The following RIMS2 variants were observed in gnomAD, a reference collection of about 807,000 sequenced individuals.
The protein encoded by RIMS2 is regulating synaptic membrane exocytosis protein 2.
Under a neutral mutation model 174.4 loss-of-function variants are expected in RIMS2, and 59 were observed. That is an observed-to-expected ratio of 0.34 (90% confidence interval 0.27 to 0.42). RIMS2 has a LOEUF of 0.42. Among genes scored for constraint, RIMS2 ranks in the 10% least tolerant of loss-of-function variants. The pLI is 1.00. For missense variants in RIMS2, 1,620 were observed against 1,666.3 expected (o/e 0.97, Z 0.48); for synonymous variants, 606 against 572.5 (o/e 1.06, Z -0.84).
At chr8:103,701,919 G>A (rs2097172374) in intron 2 of RIMS2, among the ~76,000 whole-genome samples, 1 of 152,020 alleles carries the variant, frequency 6.6e-6, no homozygotes, top group South Asian at 2.1e-4. Context: ...TCTTCAGTAT[G>A]TTTATTTCCT....
rs531769980 is a variant in RIMS2 at position 104,152,182 on chromosome 8, G to T, written c.3335-92734G>T. Among the ~76,000 whole-genome samples, 6 of 152,258 alleles carry T rather than the reference G, an allele frequency of 3.9e-5. No homozygotes were observed. The South Asian group carries it at 1.2e-3, about 32-fold the overall frequency. ...AACATTGTGATGTTGGCAGATTTAA[G>T]AAATGTAGTCTTGTTTCTTGTTATA... On this transcript the variant is annotated intron_variant, in intron 19 of 23. Coordinates refer to ENST00000504942, the Ensembl canonical transcript of RIMS2.
chr8:103,953,669 G>GTAA (rs2086172107), intron 14 of RIMS2, among the ~76,000 whole-genome samples: 1 of 152,058 alleles, frequency 6.6e-6, no homozygotes, highest in Non-Finnish European at 1.5e-5. Flanking sequence ...AAAGACCATC[G>GTAA]ACATTATGAA....
rs1454906929 is a variant in RIMS2, at chr8:104,211,165, G to GT, written c.3335-33745dup. Reference sequence around the variant, plus strand: ...GTGTGCAGCAGGGAATAAAACAGAGGTTTTTTCTAATAAAGGTTAGAGTCG... The same window carrying GT: ...GTGTGCAGCAGGGAATAAAACAGAGGTTTTTTTCTAATAAAGGTTAGAGTCG... On this transcript the variant is annotated intron_variant, in intron 19 of 23. Coordinates refer to ENST00000504942, the Ensembl canonical transcript of RIMS2. Among the ~76,000 whole-genome samples, 15 of 152,082 alleles carry GT rather than the reference G, an allele frequency of 9.9e-5. 1 individual carries two copies. The highest frequency in any genetic ancestry group is 1.3e-4 in the Non-Finnish European group (9 of 67,996).
At chr8:103,902,995 G>A (rs753248791) in intron 4 of RIMS2, among the ~76,000 whole-genome samples, 4 of 151,962 alleles carry the variant, frequency 2.6e-5, no homozygotes, top group Non-Finnish European at 5.9e-5. Context: ...TGAAAAGGAG[G>A]ACAGAATACC....
chr8:103,551,812 C>A (rs1306051952), intron 1 of RIMS2, among the ~76,000 whole-genome samples: 1 of 152,076 alleles, frequency 6.6e-6, no homozygotes, highest in South Asian at 2.1e-4. Flanking sequence ...CAATAACAGA[C>A]AAACAGAGAG....
At chr8:103,536,256 T>G (rs6996896) in intron 1 of RIMS2, among the ~76,000 whole-genome samples, 27,821 of 152,102 alleles carry the variant, frequency 0.18, 2,788 homozygotes, top group African/African-American at 0.26. Flanking sequence ...CACTTTTGTG[T>G]GTATGGGACC....
At chr8:103,802,574 G>C (rs2154456354) in intron 3 of RIMS2, among the ~76,000 whole-genome samples, 1 of 151,172 alleles carries the variant, frequency 6.6e-6, no homozygotes, top group Admixed American at 6.6e-5. Flanking sequence ...GAATGTAGAA[G>C]TGTTTATTTA....
At chr8:104,115,139 A>C (rs571996560) in intron 19 of RIMS2, among the ~76,000 whole-genome samples, 1 of 152,264 alleles carries the variant, frequency 6.6e-6, no homozygotes, top group South Asian at 2.1e-4. Flanking sequence ...AATAATGTTG[A>C]TTAAATTCTT....
chr8:103,679,541 A>G (rs924654577), intron 1 of RIMS2, among the ~76,000 whole-genome samples: 3 of 152,018 alleles, frequency 2.0e-5, no homozygotes, highest in Non-Finnish European at 4.4e-5. Flanking sequence ...GTAAACAACA[A>G]CAACAAAACT....
Position 104,131,934 on chromosome 8 carries a change from CTAAT to C in RIMS2, c.3335-112980_3335-112977del, listed in dbSNP as rs1566596280. ...TTTGAAAAGAAGTAAATAATGGGAA[CTAAT>C]TGCCATTTTATGTTATTATTGTGAT... On this transcript the variant is annotated intron_variant, in intron 19 of 23. Coordinates refer to ENST00000504942, the Ensembl canonical transcript of RIMS2. Among the ~76,000 whole-genome samples the C allele has an allele frequency of 2.8e-4, 42 of 152,090 alleles. 1 individual carries two copies. The highest frequency in any genetic ancestry group is 9.4e-4 in the African/African-American group (39 of 41,526).
chr8:103,914,485 C>A (rs1434072249), intron 6 of RIMS2, among the ~76,000 whole-genome samples: 1 of 151,966 alleles, frequency 6.6e-6, no homozygotes, highest in Non-Finnish European at 1.5e-5. Flanking sequence ...ATCATTATAG[C>A]CAGTATAATT....
chr8:103,835,080 GTTTTCTTT>G (rs1262510790), intron 3 of RIMS2, among the ~76,000 whole-genome samples: 12 of 148,778 alleles, frequency 8.1e-5, no homozygotes, highest in African/African-American at 2.7e-4. Flanking sequence ...CCAAGACTGA[GTTTTCTTT>G]TTTTCTTTTC....
intron 3 of RIMS2, among the ~76,000 whole-genome samples, chr8:103,770,158 T>G (rs962803457): frequency 1.3e-5 from 2 of 152,228 alleles, no homozygotes; most frequent in African/African-American, 4.8e-5. Context: ...GACTTGCCAC[T>G]TGGTTTTTGT....
intron 3 of RIMS2, among the ~76,000 whole-genome samples, chr8:103,842,218 A>G (rs151184297): frequency 3.9e-4 from 59 of 152,232 alleles, no homozygotes; most frequent in African/African-American, 1.3e-3. Context: ...ATATTAGAAT[A>G]ATGCTTTTTG....
chr8:103,846,923 G>C (rs545889957), intron 3 of RIMS2, among the ~76,000 whole-genome samples: 1 of 152,214 alleles, frequency 6.6e-6, no homozygotes, highest in East Asian at 1.9e-4. Context: ...TAGTTGCAGC[G>C]TGACTTGGGA....
chr8:104,084,589 G>A (rs998882315), intron 19 of RIMS2, among the ~76,000 whole-genome samples: 11 of 151,712 alleles, frequency 7.3e-5, no homozygotes, highest in East Asian at 1.9e-4. Flanking sequence ...TTTATGAGAC[G>A]TGCAATTAAG....
chr8:103,766,031 CTA>C (rs1388697125), intron 2 of RIMS2, among the ~76,000 whole-genome samples, 194 bp from the exon 6 acceptor site: 10 of 151,410 alleles, frequency 6.6e-5, no homozygotes, highest in African/African-American at 1.9e-4. Context: ...TAAATATTGA[CTA>C]TTTCATTAGA....
At chr8:104,235,339 C>T (rs1355863866) in intron 19 of RIMS2, among the ~76,000 whole-genome samples, 3 of 152,076 alleles carry the variant, frequency 2.0e-5, no homozygotes. Flanking sequence ...GTTCAAATCT[C>T]ATCTATATTA....
chr8:103,619,074 A>G (rs1276477558), intron 1 of RIMS2, among the ~76,000 whole-genome samples: 2 of 150,300 alleles, frequency 1.3e-5, no homozygotes, highest in Non-Finnish European at 3.0e-5. Flanking sequence ...TACATGAGTC[A>G]ATAACTTCAC....
Sources: gnomAD v4.1 joint callset for allele counts (sites outside exome capture counted in the v4.1 genomes callset) on GRCh38, gnomAD v4.1.1 for gene constraint, MANE v1.5 for transcripts, NCBI Gene and HGNC (gene_info 2026-07-23, HGNC 2026-07-21) for gene names.